The following AGPAT3 variants were observed in gnomAD, a reference collection of about 807,000 sequenced individuals.
The protein encoded by AGPAT3 is 1-acyl-sn-glycerol-3-phosphate acyltransferase gamma.
A neutral mutation model predicts 47.3 loss-of-function variants in AGPAT3; 5 were observed. The observed-to-expected ratio is 0.11, with a 90% CI of 0.06 to 0.22. The LOEUF (loss-of-function observed/expected upper bound fraction) is 0.22, where lower values mean the gene tolerates loss of function less well. Ranked by LOEUF, AGPAT3 falls within the 10% of genes least tolerant of loss-of-function variation. The probability of loss-of-function intolerance (pLI) is 1.00; values close to 1 mark genes in which losing one functional copy is unlikely to be tolerated. For missense variants in AGPAT3, 315 were observed against 493.0 expected (o/e 0.64, Z 3.42); for synonymous variants, 212 against 208.3 (o/e 1.02, Z -0.15).
At chr21:43,892,673 A>G (rs9974060) in intron 1 of AGPAT3, among the ~76,000 whole-genome samples, 2,827 of 152,330 alleles carry the variant, frequency 0.019, 73 homozygotes, top group African/African-American at 0.065. Flanking sequence ...CACCAGCTGC[A>G]TTAGCCCCTA....
chr21:43,977,944 G>T (rs2089682559), intron 7 of AGPAT3, 102 bp from the exon 8 acceptor site: 2 of 830,812 alleles, frequency 2.4e-6, no homozygotes, highest in Admixed American at 2.4e-5. Flanking sequence ...AAGGAGTGGG[G>T]CCCATAGGCC....
intron 2 of AGPAT3, among the ~76,000 whole-genome samples, chr21:43,942,665 G>T (rs2087700493): frequency 6.6e-6 from 1 of 152,224 alleles, no homozygotes; most frequent in Admixed American, 6.5e-5. Flanking sequence ...TCCGAATGCT[G>T]AGAAAACCCC....
chr21:43,917,847 GGGTGTTGTA>G (rs2086773146), intron 2 of AGPAT3, among the ~76,000 whole-genome samples: 1 of 105,660 alleles, frequency 9.5e-6, no homozygotes, highest in African/African-American at 3.7e-5. Flanking sequence ...GTTGTGTTGT[GGGTGTTGTA>G]GGAGTTGTGA....
intron 2 of AGPAT3, among the ~76,000 whole-genome samples, chr21:43,911,267 A>G (rs1435954260): frequency 6.6e-6 from 1 of 152,244 alleles, no homozygotes; most frequent in Non-Finnish European, 1.5e-5. Context: ...ACACATGTGC[A>G]TTGTAAGAAC....
chr21:43,964,691 G>T (rs1288697938), intron 3 of AGPAT3, among the ~76,000 whole-genome samples: 1 of 152,184 alleles, frequency 6.6e-6, no homozygotes, highest in Non-Finnish European at 1.5e-5. Flanking sequence ...AGATACTTGG[G>T]ATGACCACAA....
chr21:43,937,368 C>G (rs146793487), intron 2 of AGPAT3, among the ~76,000 whole-genome samples: 1 of 152,224 alleles, frequency 6.6e-6, no homozygotes, highest in Non-Finnish European at 1.5e-5. Flanking sequence ...GGGGTCAGCT[C>G]CTCTACGCTG....
chr21:43,903,468 C>CAGGCT (rs2086404088), intron 1 of AGPAT3, among the ~76,000 whole-genome samples: 1 of 152,242 alleles, frequency 6.6e-6, no homozygotes, highest in Non-Finnish European at 1.5e-5. Context: ...TGCCGGCAGG[C>CAGGCT]AGGCTAATGG....
chr21:43,885,126 C>A (rs1225324935), intron 1 of AGPAT3, among the ~76,000 whole-genome samples: 4 of 152,244 alleles, frequency 2.6e-5, no homozygotes, highest in Non-Finnish European at 5.9e-5. Flanking sequence ...GTGCTCCCCT[C>A]ACCCTGCGGC....
chr21:43,925,615 A>G (rs1292992250), intron 2 of AGPAT3, among the ~76,000 whole-genome samples: 2 of 151,712 alleles, frequency 1.3e-5, no homozygotes, highest in Non-Finnish European at 2.9e-5. Context: ...TCTGGGCTGG[A>G]CTCTTCCTCA....
chr21:43,882,988 C>T (rs923549520), intron 1 of AGPAT3, among the ~76,000 whole-genome samples: 3 of 152,260 alleles, frequency 2.0e-5, no homozygotes, highest in Non-Finnish European at 2.9e-5. Flanking sequence ...CACACCTCCA[C>T]GCAGGCCTGG....
chr21:43,921,842 A>T (rs1178694870), intron 2 of AGPAT3, among the ~76,000 whole-genome samples: 1 of 151,756 alleles, frequency 6.6e-6, no homozygotes, highest in Non-Finnish European at 1.5e-5. Flanking sequence ...TTAACACGAT[A>T]CTAACCTCCT....
At chr21:43,891,022 G>A (rs2145928570) in intron 1 of AGPAT3, among the ~76,000 whole-genome samples, 1 of 152,352 alleles carries the variant, frequency 6.6e-6, no homozygotes, top group East Asian at 1.9e-4. Context: ...ACAGGTGTGA[G>A]CCATAATGTC....
At chr21:43,913,096 T>C (rs2086660836) in intron 2 of AGPAT3, among the ~76,000 whole-genome samples, 1 of 152,240 alleles carries the variant, frequency 6.6e-6, no homozygotes, top group South Asian at 2.1e-4. Flanking sequence ...TCAAGCCTTC[T>C]TGTTAAGGAA....
At chr21:43,899,166 G>A (rs1040273123) in intron 1 of AGPAT3, among the ~76,000 whole-genome samples, 4 of 44,776 alleles carry the variant, frequency 8.9e-5, no homozygotes, top group Non-Finnish European at 1.4e-4. Flanking sequence ...TGGCGAACCC[G>A]CCCCTTGTGT....
In AGPAT3 at chr21:43,970,921, C is replaced by A; in HGVS notation, c.664+115C>A. 1.6e-6 allele frequency: 2 copies of A among 1,240,628 alleles called. No homozygotes were observed. The highest frequency in any genetic ancestry group is 2.0e-5 in the South Asian group (1 of 50,250). 76.9% of individuals were successfully genotyped at this position (1,240,628 alleles called of 1,614,324 possible). ...TGTGAAACACAGAAGAACAGAAGTG[C>A]AAAAGGAATCAAGTGAGGGGGTCGG... On this transcript the variant is annotated intron_variant, in intron 6 of 9. Transcript: ENST00000291572. The surrounding 1 kb of genome is among the most constrained non-coding windows in gnomAD (Gnocchi z 5.8).
intron 8 of AGPAT3, among the ~76,000 whole-genome samples, chr21:43,978,422 C>T (rs1227934219): frequency 6.6e-6 from 1 of 152,228 alleles, no homozygotes; most frequent in Non-Finnish European, 1.5e-5. Flanking sequence ...CCTGCCTCAG[C>T]CTCCCGGGTG....
rs889408352 is a variant in AGPAT3 at position 43,880,799 on chromosome 21, G to T, written c.-112+15454G>T. ...GCTCACTGGCATTAAGTGGGCAGGCGGCTTATTGCTGAGTGATGGTCCCTG... is the reference window on the plus strand; with the variant it reads ...GCTCACTGGCATTAAGTGGGCAGGCTGCTTATTGCTGAGTGATGGTCCCTG... On this transcript the variant is annotated intron_variant, in intron 1 of 9. Transcript: ENST00000291572. This position sits in a 1 kb window ranked among gnomAD's most constrained non-coding sequence, Gnocchi z 4.5. Among the ~76,000 whole-genome samples the T allele has an allele frequency of 6.6e-6, 1 of 152,198 alleles. No homozygotes were observed. Among genetic ancestry groups the T allele is most frequent in the African/African-American group, 2.4e-5 (1 of 41,442 alleles).
intron 2 of AGPAT3, among the ~76,000 whole-genome samples, chr21:43,927,527 G>T (rs150414059): frequency 6.6e-6 from 1 of 152,180 alleles, no homozygotes; most frequent in Non-Finnish European, 1.5e-5. Context: ...TCAAGTGCTC[G>T]GCACCTCTCT....
chr21:43,972,199 C>A (rs570003622), intron 7 of AGPAT3, among the ~76,000 whole-genome samples: 5 of 152,214 alleles, frequency 3.3e-5, no homozygotes, highest in African/African-American at 1.2e-4. Flanking sequence ...GGCTGGCATG[C>A]AGTGGCTCAA....
Sources: gnomAD v4.1 joint callset for allele counts (sites outside exome capture counted in the v4.1 genomes callset) on GRCh38, gnomAD v4.1.1 for gene constraint, Gnocchi (gnomAD v3.1) non-coding constraint, MANE v1.5 for transcripts, NCBI Gene and HGNC (gene_info 2026-07-23, HGNC 2026-07-21) for gene names.